Variants in BABAM2 observed in about 807,000 individuals in gnomAD.
BABAM2 encodes the protein BRISC and BRCA1 A complex member 2.
In BABAM2, 31 loss-of-function variants were observed where a neutral mutation model predicts 54.7. The ratio of observed to expected loss-of-function variants is 0.57; its 90% CI spans 0.43 to 0.77. The LOEUF (loss-of-function observed/expected upper bound fraction) is 0.77, where lower values mean the gene tolerates loss of function less well. Ranked by LOEUF, BABAM2 falls within the 30% of genes least tolerant of loss-of-function variation. The pLI is 0.00. For missense variants in BABAM2, 364 were observed against 455.8 expected (o/e 0.80, Z 1.83); for synonymous variants, 167 against 162.9 (o/e 1.03, Z -0.19).
intron 10 of BABAM2, among the ~76,000 whole-genome samples, chr2:28,280,606 C>T (rs1307174787): frequency 6.6e-6 from 1 of 152,164 alleles, no homozygotes; most frequent in African/African-American, 2.4e-5. Context: ...TATGACACTC[C>T]TTAGTAAAAT....
At chr2:28,060,133 T>C (rs941970660) in intron 6 of BABAM2, among the ~76,000 whole-genome samples, 6 of 152,030 alleles carry the variant, frequency 3.9e-5, no homozygotes, top group Non-Finnish European at 8.8e-5. Flanking sequence ...GAATGATACA[T>C]AAAAAGGATG....
chr2:28,178,106 A>G (rs1341683576), intron 7 of BABAM2, among the ~76,000 whole-genome samples: 1 of 152,260 alleles, frequency 6.6e-6, no homozygotes, highest in African/African-American at 2.4e-5. Flanking sequence ...AGAAATTAAC[A>G]AAGAAATATT....
At chr2:27,996,223 A>G (rs1673134114) in intron 4 of BABAM2, 1 of 154,608 alleles carries the variant, frequency 6.5e-6, no homozygotes, top group African/African-American at 2.4e-5. Flanking sequence ...TCTTCCAGAG[A>G]GAGGGTTTAC....
intron 7 of BABAM2, among the ~76,000 whole-genome samples, chr2:28,157,793 G>A (rs930380108): frequency 6.6e-6 from 1 of 152,066 alleles, no homozygotes; most frequent in Non-Finnish European, 1.5e-5. Flanking sequence ...TATATTTTTA[G>A]TAGAGAGGGG....
rs113857377 is a variant in BABAM2 at position 28,219,439 on chromosome 2, A to G, written c.681-17763A>G. ...TTTAAGGACTCGTGTGTCTAGATGG[A>G]TTGAGAGCCCAACCAGATAATTCAT... is the stretch of plus-strand genomic sequence containing the variant. On this transcript the variant is annotated intron_variant, in intron 7 of 11. Transcript: ENST00000379624. 6.3e-3 allele frequency among the ~76,000 whole-genome samples: 964 copies of G among 152,230 alleles called. 14 individuals carry two copies. The highest frequency in any genetic ancestry group is 0.022 in the African/African-American group (907 of 41,532).
At chr2:28,264,397 G>C (rs1005371575) in intron 10 of BABAM2, among the ~76,000 whole-genome samples, 1 of 152,070 alleles carries the variant, frequency 6.6e-6, no homozygotes, top group Non-Finnish European at 1.5e-5. Context: ...TTTTTATTTG[G>C]CTATATGCTT....
chr2:28,303,569 G>A (rs1688275126), intron 11 of BABAM2, among the ~76,000 whole-genome samples: 1 of 152,080 alleles, frequency 6.6e-6, no homozygotes, highest in Admixed American at 6.6e-5. Flanking sequence ...TTGAAATCAG[G>A]AAAGGTATAC....
intron 11 of BABAM2, among the ~76,000 whole-genome samples, chr2:28,323,864 C>A (rs1350195359): frequency 6.6e-6 from 1 of 152,210 alleles, no homozygotes; most frequent in Non-Finnish European, 1.5e-5. Flanking sequence ...TCTTGAACTT[C>A]TTTTCCTTCC....
intron 2 of BABAM2, among the ~76,000 whole-genome samples, chr2:27,917,541 C>T (rs1300908336): frequency 2.0e-5 from 3 of 152,092 alleles, no homozygotes; most frequent in Non-Finnish European, 2.9e-5. Context: ...AAGGGGCAGA[C>T]GAGCTCCCTC....
intron 7 of BABAM2, among the ~76,000 whole-genome samples, chr2:28,187,505 G>T (rs1433405952): frequency 6.6e-6 from 1 of 152,110 alleles, no homozygotes; most frequent in Admixed American, 6.5e-5. Flanking sequence ...AACAGTTCAT[G>T]GGATTCTTTG....
At chr2:28,326,005 G>C (rs1184151485) in intron 11 of BABAM2, among the ~76,000 whole-genome samples, 1 of 152,230 alleles carries the variant, frequency 6.6e-6, no homozygotes, top group Admixed American at 6.5e-5. Context: ...GGAGGCTGAT[G>C]CCTGACCATG....
intron 9 of BABAM2, among the ~76,000 whole-genome samples, chr2:28,243,980 G>A (rs1476784430): frequency 6.6e-6 from 1 of 152,196 alleles, no homozygotes; most frequent in African/African-American, 2.4e-5. Context: ...TCTGTCCTTA[G>A]TGTGGTTAGT....
intron 10 of BABAM2, among the ~76,000 whole-genome samples, chr2:28,248,207 C>CTTTTTCTTTCTTTTTT (rs1553349503): frequency 1.7e-4 from 9 of 54,306 alleles, no homozygotes; most frequent in African/African-American, 6.0e-4. Flanking sequence ...TTTTCTTTTT[C>CTTTTTCTTTCTTTTTT]TTTTTTTTTT....
chr2:28,126,071 T>C (rs1353793274), intron 6 of BABAM2, among the ~76,000 whole-genome samples: 1 of 152,238 alleles, frequency 6.6e-6, no homozygotes, highest in Non-Finnish European at 1.5e-5. Flanking sequence ...GAGCTTTTAC[T>C]TTATAAATTT....
chr2:28,025,105 A>C (rs113028909), intron 4 of BABAM2, 121 bp from the exon 5 acceptor site: 1 of 840,710 alleles, frequency 1.2e-6, no homozygotes, highest in South Asian at 2.5e-5. Context: ...GCTAAGGAGG[A>C]GTAGTCTGTT....
rs79228523 is a variant in BABAM2, at chr2:27,978,324, T to C, written c.206-9669T>C. ...CCATGATTGTAAGCTTGCTGAGGTC[T>C]TTGCCAGAAGCAGATGCTGGCACCA... is the stretch of plus-strand genomic sequence containing the variant. On this transcript the variant is annotated intron_variant, in intron 3 of 11. Transcript: ENST00000379624. Among the ~76,000 whole-genome samples the C allele has an allele frequency of 9.2e-5, 14 of 152,302 alleles. No individual in the cohort carries two copies. The East Asian group carries it at 2.5e-3, about 27-fold the overall frequency.
At chr2:28,093,546 G>C (rs1476759418) in intron 6 of BABAM2, among the ~76,000 whole-genome samples, 1 of 152,120 alleles carries the variant, frequency 6.6e-6, no homozygotes, top group Non-Finnish European at 1.5e-5. Context: ...CCCTGCTTTT[G>C]GGACTGAGAG....
intron 7 of BABAM2, among the ~76,000 whole-genome samples, chr2:28,165,898 T>TA (rs1272577591): frequency 6.6e-6 from 1 of 152,166 alleles, no homozygotes; most frequent in Non-Finnish European, 1.5e-5. Context: ...TCAAAATTCA[T>TA]ATGTTGAAGC....
At chr2:28,016,515 G>A in intron 4 of BABAM2, 1 of 860,104 alleles carries the variant, frequency 1.2e-6, no homozygotes, top group Non-Finnish European at 1.9e-6. Flanking sequence ...CGCACGCCGA[G>A]GGAAACTGGG....
Sources: allele counts gnomAD v4.1 joint callset (sites outside exome capture counted in the v4.1 genomes callset), GRCh38; gene constraint gnomAD v4.1.1; transcripts MANE v1.5; gene names NCBI Gene and HGNC (gene_info 2026-07-23, HGNC 2026-07-21).